Variants in HSF5 observed in about 807,000 individuals in gnomAD.
HSF5 encodes the protein heat shock factor protein 5.
A neutral mutation model predicts 50.8 loss-of-function variants in HSF5; 5 were observed. The observed-to-expected ratio is 0.10, with a 90% CI of 0.05 to 0.21. The LOEUF is 0.21. HSF5 is among the 10% of genes least tolerant of loss of function. The pLI is 1.00. For synonymous variants in HSF5, 307 were observed against 307.4 expected (o/e 1.00, Z 0.02); for missense variants, 564 against 762.6 (o/e 0.74, Z 3.07).
At chr17:58,465,213 TCA>T (rs1598196108) in intron 3 of HSF5, among the ~76,000 whole-genome samples, 1 of 141,636 alleles carries the variant, frequency 7.1e-6, no homozygotes, top group East Asian at 2.2e-4. Context: ...AGATAGGGTC[TCA>T]CTCACTATGT....
At chr17:58,439,578 G>A (rs759569769) in intron 5 of HSF5, among the ~76,000 whole-genome samples, 1 of 151,822 alleles carries the variant, frequency 6.6e-6, no homozygotes, top group Non-Finnish European at 1.5e-5. Flanking sequence ...TCCACCTCCC[G>A]GGTTCAAGCA....
rs1386344706 is a variant in HSF5, at chr17:58,480,218, C to A, written c.600G>T (p.Leu200Phe). Residue 200 changes from leucine to phenylalanine, a missense_variant, in exon 2 of 6, where the codon TTG (leucine) becomes TTT (phenylalanine). Around this residue, in one of 5 missense-constraint regions of HSF5, gnomAD observed 441 missense variants for 533.6 expected, o/e 0.83. Transcript: ENST00000323777. ...QFHRSFRRDS[L>F]SPYSCVSTPS... The stretch of plus-strand genomic sequence containing the variant: ...GAGTTGATACACAGGAGTAAGGAGA[C>A]AAACTATCTCGACGAAATGACCGGT... 4 of 1,612,998 alleles carry A rather than the reference C, an allele frequency of 2.5e-6. No individual in the cohort carries two copies. The highest frequency in any genetic ancestry group is 3.4e-6 in the Non-Finnish European group (4 of 1,179,614).
intron 5 of HSF5, among the ~76,000 whole-genome samples, chr17:58,456,162 T>TACACACAC (rs1555642240): frequency 9.3e-6 from 1 of 107,062 alleles, no homozygotes; most frequent in African/African-American, 3.7e-5. Context: ...TGTGTGTGTG[T>TACACACAC]ATATACACAC....
chr17:58,452,534 G>A (rs926967245), intron 5 of HSF5, among the ~76,000 whole-genome samples: 5 of 151,968 alleles, frequency 3.3e-5, no homozygotes, highest in South Asian at 4.2e-4. Context: ...AGGTGGCCTC[G>A]CATGGTGGCT....
chr17:58,450,649 A>T (rs1336532597), intron 5 of HSF5, among the ~76,000 whole-genome samples: 1 of 150,538 alleles, frequency 6.6e-6, no homozygotes, highest in Non-Finnish European at 1.5e-5. Flanking sequence ...GCTACTTGGG[A>T]GGCTGAGGCA....
intron 3 of HSF5, among the ~76,000 whole-genome samples, chr17:58,464,273 T>G (rs1376182901): frequency 1.3e-5 from 2 of 152,234 alleles, no homozygotes; most frequent in Non-Finnish European, 2.9e-5. Context: ...GCCAAGCACA[T>G]GCAAAGTGCT....
intron 2 of HSF5, chr17:58,476,830 AT>A: frequency 6.5e-7 from 1 of 1,531,610 alleles, no homozygotes; most frequent in Non-Finnish European, 8.9e-7. Flanking sequence ...TGTCTATTTC[AT>A]TTTGGATTTC....
intron 5 of HSF5, among the ~76,000 whole-genome samples, chr17:58,423,258 T>C (rs1016952619): frequency 2.0e-5 from 3 of 151,998 alleles, no homozygotes; most frequent in Non-Finnish European, 4.4e-5. Context: ...AGCTGAACTG[T>C]CCATAAAAAA....
chr17:58,458,049 A>C (rs892595423), intron 5 of HSF5, among the ~76,000 whole-genome samples: 3 of 152,200 alleles, frequency 2.0e-5, no homozygotes, highest in Admixed American at 1.3e-4. Context: ...CTGTCATTTT[A>C]ACCTACACTG....
chr17:58,452,857 G>T (rs1349798882), intron 5 of HSF5, among the ~76,000 whole-genome samples: 1 of 132,174 alleles, frequency 7.6e-6, no homozygotes, highest in Non-Finnish European at 1.6e-5. Context: ...TAAATTAAAA[G>T]ATTTAAATTG....
intron 4 of HSF5, among the ~76,000 whole-genome samples, chr17:58,460,470 C>CAT (rs746363535): frequency 0.018 from 2,547 of 139,590 alleles, 74 homozygotes; most frequent in African/African-American, 0.065. Context: ...GCTTTATATA[C>CAT]ATATATATAC....
intron 2 of HSF5, among the ~76,000 whole-genome samples, chr17:58,469,638 C>T (rs1974919175): frequency 6.6e-6 from 1 of 152,012 alleles, no homozygotes; most frequent in Non-Finnish European, 1.5e-5. Context: ...GACTATGTGC[C>T]TAGTATATGA....
Position 58,462,847 on chromosome 17 carries a change from T to A in HSF5, c.1477A>T (p.Asn493Tyr). 6.2e-7 allele frequency: 1 copy of A among 1,614,082 alleles called. No individual in the cohort carries two copies. Among genetic ancestry groups the A allele is most frequent in the South Asian group, 1.1e-5 (1 of 91,072 alleles). ...QAHVKLKEHL[N>Y]HNPSPSSVVF... ...ACTGAAGATGGAGATGGATTATGAT[T>A]TAGGTGCTCCTTCAGTTTGACATGA... The change falls in exon 4 of 6, where the codon AAT becomes TAT. Residue 493 changes from asparagine to tyrosine, a missense_variant. Transcript: ENST00000323777.
chr17:58,428,338 G>A (rs201175576), intron 5 of HSF5, among the ~76,000 whole-genome samples: 4 of 152,114 alleles, frequency 2.6e-5, no homozygotes, highest in Non-Finnish European at 5.9e-5. Flanking sequence ...CTCATGAAAG[G>A]ATTAGTCATT....
intron 5 of HSF5, among the ~76,000 whole-genome samples, chr17:58,449,830 C>T (rs1409222867): frequency 1.3e-5 from 2 of 150,562 alleles, no homozygotes; most frequent in East Asian, 1.9e-4. Flanking sequence ...GAGACCATCC[C>T]GGCTAAAACG....
At chr17:58,461,148 A>C (rs1974788700) in intron 4 of HSF5, among the ~76,000 whole-genome samples, 1 of 151,924 alleles carries the variant, frequency 6.6e-6, no homozygotes, top group Non-Finnish European at 1.5e-5. Flanking sequence ...CAGGAGGTGG[A>C]GGTTGCAGTG....
rs1191139169 is a variant in HSF5, at chr17:58,476,617, T to A, written c.925+3276A>T. The A allele has an allele frequency of 1.0e-5, 16 of 1,541,126 alleles. No homozygotes were observed. In the Admixed American group the frequency reaches 1.8e-4, roughly 18 times the overall value. On this transcript the variant is annotated intron_variant, in intron 2 of 5. Transcript: ENST00000323777. ...TTTAATATCTTCGAATTCTGTCACT[T>A]CAACTCTGGTCAAATAATGCAGTGC...
At chr17:58,456,374 GAAGA>G (rs1320091755) in intron 5 of HSF5, among the ~76,000 whole-genome samples, 2 of 152,108 alleles carry the variant, frequency 1.3e-5, no homozygotes, top group African/African-American at 4.8e-5. Context: ...TAATTTCATA[GAAGA>G]AAGTAGAATA....
chr17:58,487,977 C>T lies in HSF5; in HGVS notation c.298G>A (p.Gly100Ser), dbSNP rs761281787. 4 of 1,611,000 alleles carry T rather than the reference C, an allele frequency of 2.5e-6. No individual in the cohort carries two copies. Among genetic ancestry groups the T allele is most frequent in the Non-Finnish European group, 3.4e-6 (4 of 1,179,334 alleles). Residue 100 changes from glycine (G) to serine (S), a missense_variant, in exon 1 of 6, where the codon GGC becomes AGC. By Grantham distance (56) the Gly-to-Ser change is moderately conservative. Transcript: ENST00000323777. ...RKVVLGGPGGGKPAGNGPLHH... is the reference protein window; with the variant it reads ...RKVVLGGPGGSKPAGNGPLHH... The stretch of plus-strand genomic sequence containing the variant: ...AGCGGCCCATTGCCTGCCGGTTTGC[C>T]GCCCCCCGGCCCGCCCAGCACCACC...
Sources: allele counts gnomAD v4.1 joint callset (sites outside exome capture counted in the v4.1 genomes callset), GRCh38; gene constraint gnomAD v4.1.1; regional missense constraint gnomAD v4.1.1; transcripts MANE v1.5; gene names NCBI Gene and HGNC (gene_info 2026-07-23, HGNC 2026-07-21).